The following YLPM1 variants were observed in gnomAD, a reference collection of about 807,000 sequenced individuals.
YLPM1 encodes YLP motif containing 1, also known as YLP motif-containing protein 1.
A neutral mutation model predicts 230.0 loss-of-function variants in YLPM1; 99 were observed. The observed-to-expected ratio is 0.43, with a 90% CI of 0.37 to 0.51. The LOEUF is 0.51. YLPM1 is among the 20% of genes least tolerant of loss of function. The pLI, the probability that YLPM1 is intolerant of heterozygous loss-of-function variation, is 0.00. For synonymous variants in YLPM1, 984 were observed against 942.5 expected (o/e 1.04, Z -0.81); for missense variants, 2,592 against 2,707.7 (o/e 0.96, Z 0.95).
chr14:74,821,163 A>G, intron 17 of YLPM1, 26 bp downstream of exon 17: 1 of 1,526,940 alleles, frequency 6.5e-7, no homozygotes. Context: ...ACCACTTTGA[A>G]CAGTGTCTCT....
chr14:74,816,701 C>A lies in YLPM1; in HGVS notation c.5685+11C>A, dbSNP rs757205871. On this transcript the variant is annotated intron_variant, in intron 13 of 20. Coordinates refer to ENST00000325680, the MANE Select transcript of YLPM1 (RefSeq NM_019589.3). ...AAAGTGAAAAAGAAGGTATGGTATT[C>A]ATCTCAGATCTCGTTCTGATTCATT... is the stretch of plus-strand genomic sequence containing the variant. 9.4e-6 allele frequency: 15 copies of A among 1,603,870 alleles called. No individual in the cohort carries two copies. Among genetic ancestry groups the A allele is most frequent in the East Asian group, 6.7e-5 (3 of 44,746 alleles).
Position 74,829,394 on chromosome 14 carries a change from T to C in YLPM1, c.6294+51T>C, listed in dbSNP as rs1048464666. ...AACAAATGAAGGGCCCATTTAGGCA[T>C]CTGGTTTTAGGAAGTTACAGGCAGA... On this transcript the variant is annotated intron_variant, in intron 19 of 20. Coordinates refer to ENST00000325680, the MANE Select transcript of YLPM1 (RefSeq NM_019589.3). 1.9e-6 allele frequency: 3 copies of C among 1,607,476 alleles called. No individual in the cohort carries two copies. The African/African-American group carries it at 4.0e-5, about 22-fold the overall frequency.
intron 1 of YLPM1, 80 bp downstream of exon 1, chr14:74,764,442 T>C: frequency 6.9e-7 from 1 of 1,448,020 alleles, no homozygotes; most frequent in South Asian, 1.5e-5. Context: ...AACCAGTGGT[T>C]AGTCTAATTC....
In YLPM1 at chr14:74,782,077, T is replaced by C; in HGVS notation, c.2034T>C (p.Gly678=). 1 of 1,614,032 alleles carries C rather than the reference T, an allele frequency of 6.2e-7. No homozygotes were observed. Among genetic ancestry groups the C allele is most frequent in the South Asian group, 1.1e-5 (1 of 91,082 alleles). Residue 678 remains glycine (G), a synonymous_variant, in exon 4 of 21, where the codon GGT becomes GGC. Transcript: ENST00000325680. ...TGCTTCCTACTCCTGTGTCTTTTGG[T>C]TCTGCCCCACCGACAACTTACCATC... The part of the protein sequence containing the change: ...PALLPTPVSF[G]SAPPTTYHPP...
chr14:74,773,440 A>G (rs1006199319), intron 1 of YLPM1, among the ~76,000 whole-genome samples: 2 of 152,264 alleles, frequency 1.3e-5, no homozygotes, highest in African/African-American at 4.8e-5. Context: ...GGACCTGTAC[A>G]GTTTTCATTC....
chr14:74,799,367 G>A lies in YLPM1; in HGVS notation c.4070G>A (p.Arg1357Gln), dbSNP rs777885123. 3.7e-6 allele frequency: 6 copies of A among 1,613,938 alleles called. No homozygotes were observed. In the Admixed American group the frequency reaches 5.0e-5, roughly 13 times the overall value. Residue 1357 changes from arginine to glutamine, a missense_variant, in exon 5 of 21, where the codon CGA (arginine) becomes CAA (glutamine). Physicochemically the swap from Arg to Gln is conservative, Grantham distance 43. Transcript: ENST00000325680. ...GATAGATGGAGAGAAGAAAGAAATC[G>A]AGAGCATGGGTATGATCGAGATTTC... ...RDDRWREERN[R>Q]EHGYDRDFRD...
intron 1 of YLPM1, among the ~76,000 whole-genome samples, chr14:74,769,259 C>CTTTTTTTTTTTTTTTTTTTTTTTTTTT: frequency 2.6e-5 from 1 of 38,400 alleles, no homozygotes; most frequent in Non-Finnish European, 5.3e-5. Context: ...GTATTTTTAT[C>CTTTTTTTTTTTTTTTTTTTTTTTTTTT]TTTTTTTTTT....
Position 74,817,018 on chromosome 14 carries a change from T to C in YLPM1, c.5773T>C (p.Phe1925Leu). 1.2e-6 allele frequency: 2 copies of C among 1,611,318 alleles called. No individual in the cohort carries two copies. Among genetic ancestry groups the C allele is most frequent in the Non-Finnish European group, 8.5e-7 (1 of 1,178,832 alleles). The part of the protein sequence containing the change: ...KTFKKTLDDG[F>L]FPFIILDAIN... ...TTTCAAAAAGACTCTGGATGATGGC[T>C]TTTTTCCCTTCATCATCCTGGATGC... Residue 1925 changes from phenylalanine to leucine, a missense_variant, in exon 14 of 21, where the codon TTT becomes CTT. Phe to Leu is a conservative substitution (Grantham distance 22). This residue lies in a region of YLPM1 where 315 missense variants were observed against 429.3 expected (regional missense o/e 0.73). Coordinates refer to ENST00000325680, the MANE Select transcript of YLPM1 (RefSeq NM_019589.3).
At chr14:74,795,976 C>T (rs2091256597) in intron 4 of YLPM1, among the ~76,000 whole-genome samples, 1 of 152,208 alleles carries the variant, frequency 6.6e-6, no homozygotes, top group Non-Finnish European at 1.5e-5. Context: ...GGAGGATGTG[C>T]CCTTTCCTTT....
intron 1 of YLPM1, among the ~76,000 whole-genome samples, chr14:74,773,160 C>T (rs12896861): frequency 0.35 from 53,881 of 152,016 alleles, 11,534 homozygotes; most frequent in East Asian, 0.54. Context: ...TGGTGGCGGG[C>T]GCCTGTAGTC....
intron 18 of YLPM1, among the ~76,000 whole-genome samples, chr14:74,825,492 A>T (rs572456723): frequency 6.6e-6 from 1 of 152,118 alleles, no homozygotes; most frequent in Non-Finnish European, 1.5e-5. Flanking sequence ...ATAATAACCA[A>T]TTGTCATCTT....
Position 74,778,455 on chromosome 14 carries a change from G to T in YLPM1, c.882G>T (p.Gln294His). The stretch of plus-strand genomic sequence containing the variant: ...AATTGTTTCTGTTGTAGGAACAGCA[G>T]CAGTATTGGTATCGACAGCACTTGC... ...DPSTMTPQEQ[Q>H]QYWYRQHLLS... The change falls in exon 2 of 21, where the codon CAG becomes CAT. Residue 294 changes from glutamine (Q) to histidine (H), a missense_variant. Transcript: ENST00000325680. 6.3e-7 allele frequency: 1 copy of T among 1,600,000 alleles called. No individual in the cohort carries two copies. The highest frequency in any genetic ancestry group is 1.1e-5 in the South Asian group (1 of 88,144).
At chr14:74,821,167 T>C (rs1179745465) in intron 17 of YLPM1, 30 bp downstream of exon 17, 4 of 1,521,160 alleles carry the variant, frequency 2.6e-6, no homozygotes, top group African/African-American at 1.4e-5. Context: ...CTTTGAACAG[T>C]GTCTCTTTAT....
chr14:74,802,079 G>A (rs11850826), intron 5 of YLPM1, among the ~76,000 whole-genome samples: 22,170 of 151,844 alleles, frequency 0.15, 1,766 homozygotes, highest in South Asian at 0.29. Flanking sequence ...TTAGCCGGGC[G>A]CGGTGGTGCA....
chr14:74,834,306 G>T (rs1458260877), intron 19 of YLPM1, among the ~76,000 whole-genome samples: 5 of 152,010 alleles, frequency 3.3e-5, no homozygotes, highest in Non-Finnish European at 7.4e-5. Flanking sequence ...TTGTAATCTT[G>T]CCATGAATTA....
At chr14:74,833,325 T>A (rs1165234219) in intron 19 of YLPM1, among the ~76,000 whole-genome samples, 1 of 152,168 alleles carries the variant, frequency 6.6e-6, no homozygotes, top group Non-Finnish European at 1.5e-5. Context: ...CTTGGCTCAC[T>A]GCCACTTCTG....
Position 74,764,072 on chromosome 14 carries a change from C to A in YLPM1, c.583C>A (p.Pro195Thr). 6.2e-7 allele frequency: 1 copy of A among 1,613,296 alleles called. No individual in the cohort carries two copies. The highest frequency in any genetic ancestry group is 8.5e-7 in the Non-Finnish European group (1 of 1,179,720). Reference protein sequence around the residue: ...PPAQPSPSQSPPSQSYLAPTP... With the variant: ...PPAQPSPSQSTPSQSYLAPTP... Reference sequence around the variant, plus strand: ...TGCTCAGCCGTCCCCTTCGCAGTCCCCACCTTCCCAATCCTACCTGGCGCC... The same window carrying A: ...TGCTCAGCCGTCCCCTTCGCAGTCCACACCTTCCCAATCCTACCTGGCGCC... The change falls in exon 1 of 21, where the codon CCA becomes ACA. Residue 195 changes from proline to threonine, a missense_variant. Around this residue, in one of 4 missense-constraint regions of YLPM1, gnomAD observed 1,862 missense variants for 1,819.8 expected, o/e 1.02. Coordinates refer to ENST00000325680, the MANE Select transcript of YLPM1 (RefSeq NM_019589.3).
chr14:74,785,404 CT>C (rs1184438009), intron 4 of YLPM1, among the ~76,000 whole-genome samples: 1 of 152,204 alleles, frequency 6.6e-6, no homozygotes, highest in Non-Finnish European at 1.5e-5. Flanking sequence ...CCCTAACTAG[CT>C]TATGTCATTG....
chr14:74,816,618 G>C lies in YLPM1; in HGVS notation c.5613G>C (p.Leu1871=). 1 of 1,613,640 alleles carries C rather than the reference G, an allele frequency of 6.2e-7. No individual in the cohort carries two copies. Among genetic ancestry groups the C allele is most frequent in the South Asian group, 1.1e-5 (1 of 91,048 alleles). ...GACCTGCACCCAGAGTTCTAAGCCT[G>C]GATGATTACTTCATCACTGAAGTGG... ...FGGPAPRVLS[L]DDYFITEVEK... is the part of the protein sequence containing the mutation. The change falls in exon 13 of 21, where the codon CTG becomes CTC. Residue 1871 remains leucine (L), a synonymous_variant. Coordinates refer to ENST00000325680, the MANE Select transcript of YLPM1 (RefSeq NM_019589.3).
Sources: gnomAD v4.1 joint callset for allele counts (sites outside exome capture counted in the v4.1 genomes callset) on GRCh38, gnomAD v4.1.1 for gene constraint, gnomAD v4.1.1 regional missense constraint, MANE v1.5 for transcripts, NCBI Gene and HGNC (gene_info 2026-07-23, HGNC 2026-07-21) for gene names.